Variants in BRAF observed in about 807,000 individuals in gnomAD.
BRAF encodes the protein serine/threonine-protein kinase B-raf.
BRAF carries 16 observed loss-of-function variants against 104.6 expected under a neutral mutation model. The ratio of observed to expected loss-of-function variants is 0.15; its 90% CI spans 0.10 to 0.23. BRAF has a LOEUF of 0.23. BRAF is among the 10% of genes least tolerant of loss of function. The probability of loss-of-function intolerance (pLI) is 1.00; values close to 1 mark genes in which losing one functional copy is unlikely to be tolerated. For missense variants in BRAF, 541 were observed against 937.3 expected (o/e 0.58, Z 5.52); for synonymous variants, 310 against 341.6 (o/e 0.91, Z 1.02).
intron 3 of BRAF, among the ~76,000 whole-genome samples, chr7:140,821,834 T>C (rs898035636): frequency 3.9e-5 from 6 of 152,168 alleles, no homozygotes; most frequent in Non-Finnish European, 7.3e-5. Context: ...TGGAATACTA[T>C]GCAGCCACAA....
intron 19 of BRAF, chr7:140,733,205 C>A (rs1049781007): frequency 6.6e-6 from 1 of 152,050 alleles, no homozygotes; most frequent in African/African-American, 2.4e-5. Flanking sequence ...GAAAATGTTT[C>A]AAAAATTTAT....
intron 3 of BRAF, among the ~76,000 whole-genome samples, chr7:140,816,024 T>C (rs974857801): frequency 1.3e-5 from 2 of 152,154 alleles, no homozygotes; most frequent in Non-Finnish European, 2.9e-5. Flanking sequence ...GGAAAAAACT[T>C]ACCAAGCAAC....
Position 140,725,132 on chromosome 7 carries a change from A to C in BRAF, c.*1362T>G, listed in dbSNP as rs1371786022. Reference sequence around the variant, plus strand: ...GACCAGGCTTGGGAAAAAAGGAAGAAGGAGAATGAATGGAGACGCCACCAT... The same window carrying C: ...GACCAGGCTTGGGAAAAAAGGAAGACGGAGAATGAATGGAGACGCCACCAT... On this transcript the variant is annotated 3_prime_UTR_variant, in exon 20 of 20. Coordinates refer to ENST00000644969, the MANE Select transcript of BRAF (RefSeq NM_001374258.1). 3 of 1,041,862 alleles carry C rather than the reference A, an allele frequency of 2.9e-6. No individual in the cohort carries two copies. The East Asian group carries it at 1.7e-4, about 60-fold the overall frequency. 64.5% of individuals were successfully genotyped at this position (1,041,862 alleles called of 1,614,324 possible).
In BRAF at chr7:140,725,361, T is replaced by C. The variant is rs1235944784; in HGVS notation, c.*1133A>G. On this transcript the variant is annotated 3_prime_UTR_variant, in exon 20 of 20. Transcript: ENST00000644969. ...AGGTAGAGAAAAGGATAATGATCTT[T>C]CTTAAAAGTTGTTTATATAACAAAA... 1 of 985,582 alleles carries C rather than the reference T, an allele frequency of 1.0e-6. No homozygotes were observed. Among genetic ancestry groups the C allele is most frequent in the African/African-American group, 1.7e-5 (1 of 58,470 alleles). 61.1% of individuals were successfully genotyped at this position (985,582 alleles called of 1,614,324 possible). A position where few individuals can be genotyped will look rare whatever the true frequency, so the allele number is the denominator to read the frequency against.
intron 1 of BRAF, among the ~76,000 whole-genome samples, chr7:140,916,552 T>C (rs1005576883): frequency 6.6e-6 from 1 of 152,228 alleles, no homozygotes; most frequent in Non-Finnish European, 1.5e-5. Context: ...TCTTAACATA[T>C]TCATTTTCCC....
At chr7:140,856,912 G>C (rs1192741465) in intron 1 of BRAF, among the ~76,000 whole-genome samples, 1 of 152,112 alleles carries the variant, frequency 6.6e-6, no homozygotes, top group Non-Finnish European at 1.5e-5. Flanking sequence ...GGTGCAAGAA[G>C]AAAATAACTG....
intron 10 of BRAF, among the ~76,000 whole-genome samples, chr7:140,784,182 C>T (rs183431879): frequency 1.3e-5 from 2 of 152,232 alleles, no homozygotes; most frequent in East Asian, 3.9e-4. Flanking sequence ...AAAAAAGAGC[C>T]ACTATCTTTC....
At chr7:140,839,044 AT>A (rs543155660) in intron 2 of BRAF, among the ~76,000 whole-genome samples, 53 of 147,872 alleles carry the variant, frequency 3.6e-4, no homozygotes, top group East Asian at 2.1e-3. Flanking sequence ...CAGTCAATTG[AT>A]TTTTTTTTTT....
chr7:140,808,071 T>C lies in BRAF; in HGVS notation c.609-9A>G, dbSNP rs747775348. ...CAATTGGTTTCTTCTCTCTGAAAAA[T>C]GTAGACACAAGCCTTTCTTGGTTAT... On this transcript the variant is annotated splice_polypyrimidine_tract_variant and intron_variant, in intron 4 of 19. Transcript: ENST00000644969. 5 of 1,592,406 alleles carry C rather than the reference T, an allele frequency of 3.1e-6. No homozygotes were observed. The highest frequency in any genetic ancestry group is 1.1e-5 in the South Asian group (1 of 90,610).
At chr7:140,737,796 T>C (rs1796563760) in intron 18 of BRAF, among the ~76,000 whole-genome samples, 4 of 152,156 alleles carry the variant, frequency 2.6e-5, no homozygotes, top group South Asian at 2.1e-4. Context: ...TGAAAAGATA[T>C]CCTGTAACAA....
At chr7:140,764,345 T>C (rs1298345138) in intron 14 of BRAF, among the ~76,000 whole-genome samples, 1 of 151,174 alleles carries the variant, frequency 6.6e-6, no homozygotes, top group African/African-American at 2.4e-5. Context: ...AATATCATAC[T>C]GAATGGGCAA....
rs35137743 is a variant in BRAF at position 140,796,348 on chromosome 7, T to TAA, written c.981-1883_981-1882dup. Among the ~76,000 whole-genome samples the TAA allele has an allele frequency of 7.1e-3, 901 of 127,202 alleles. 11 individuals carry two copies. The highest frequency in any genetic ancestry group is 0.018 in the African/African-American group (646 of 35,848). The allele number at this position is 127,202 out of a possible 152,430, so 83.4% of individuals were successfully genotyped here. ...TGGGTGACAAAGTGAGACTCCATCTTAAAAAAAAAAAAAAAAGGCTTAAAA... is the reference window on the plus strand; with the variant it reads ...TGGGTGACAAAGTGAGACTCCATCTTAAAAAAAAAAAAAAAAAAGGCTTAAAA... On this transcript the variant is annotated intron_variant, in intron 7 of 19. Coordinates refer to ENST00000644969, the MANE Select transcript of BRAF (RefSeq NM_001374258.1).
At chr7:140,905,736 T>C (rs1264859423) in intron 1 of BRAF, among the ~76,000 whole-genome samples, 2 of 152,196 alleles carry the variant, frequency 1.3e-5, no homozygotes, top group Non-Finnish European at 2.9e-5. Flanking sequence ...TCATTTGTTA[T>C]CTTCTGTTGG....
intron 3 of BRAF, among the ~76,000 whole-genome samples, chr7:140,833,166 G>A (rs918054779): frequency 6.6e-6 from 1 of 152,196 alleles, no homozygotes; most frequent in South Asian, 2.1e-4. Context: ...TTACAGGCAC[G>A]AGCCACTGTG....
intron 3 of BRAF, among the ~76,000 whole-genome samples, chr7:140,816,820 CTT>C (rs952610644): frequency 6.6e-6 from 1 of 152,006 alleles, no homozygotes; most frequent in African/African-American, 2.4e-5. Flanking sequence ...CCGTTTCAGA[CTT>C]TTCATCAGAC....
intron 14 of BRAF, among the ~76,000 whole-genome samples, chr7:140,765,205 T>A (rs1799185213): frequency 6.6e-6 from 1 of 152,198 alleles, no homozygotes; most frequent in African/African-American, 2.4e-5. Flanking sequence ...GGGAAAGGAT[T>A]CCCTACTTAA....
intron 1 of BRAF, among the ~76,000 whole-genome samples, chr7:140,887,266 T>A (rs1342236945): frequency 6.6e-6 from 1 of 152,184 alleles, no homozygotes; most frequent in African/African-American, 2.4e-5. Flanking sequence ...TCAATGTAAT[T>A]ATGTCTAGTG....
chr7:140,904,771 G>A (rs1437135362), intron 1 of BRAF, among the ~76,000 whole-genome samples: 1 of 152,046 alleles, frequency 6.6e-6, no homozygotes, highest in Non-Finnish European at 1.5e-5. Flanking sequence ...ACCACGCCCA[G>A]CTAATTTTTA....
At position 140,834,366 on chromosome 7, in the gene BRAF, G is replaced by A. The variant is rs71645949; in HGVS notation, c.504+243C>T. ...TTTAAACTAGTGCTTAGACATGACT[G>A]TGGTTCAAGTTTGGCAGACAGGTTT... On this transcript the variant is annotated intron_variant, in intron 3 of 19. Transcript: ENST00000644969. The A allele has an allele frequency of 7.5e-5, 46 of 611,574 alleles. No homozygotes were observed. In the African/African-American group the frequency reaches 8.3e-4, roughly 11 times the overall value. The allele number at this position is 611,574 out of a possible 1,614,324, so 37.9% of individuals were successfully genotyped here.
Sources: gnomAD v4.1 joint callset for allele counts (sites outside exome capture counted in the v4.1 genomes callset) on GRCh38, gnomAD v4.1.1 for gene constraint, MANE v1.5 for transcripts, NCBI Gene and HGNC (gene_info 2026-07-23, HGNC 2026-07-21) for gene names.